DOCK11: variants seen among roughly 807,000 people sequenced by gnomAD.
The protein encoded by DOCK11 is dedicator of cytokinesis protein 11.
Under a neutral mutation model 169.1 loss-of-function variants are expected in DOCK11, and 70 were observed. That is an observed-to-expected ratio of 0.41 (90% CI 0.34 to 0.51). The LOEUF is 0.51. DOCK11 is among the 20% of genes least tolerant of loss of function. DOCK11 has a pLI of 0.10. For synonymous variants in DOCK11, 529 were observed against 541.3 expected, an observed-to-expected ratio of 0.98 and a Z score of 0.32; for missense variants, 1,166 against 1,538.8, an observed-to-expected ratio of 0.76 and a Z score of 4.05.
chrX:118,685,942 G>C lies in DOCK11; in HGVS notation c.*135G>C, dbSNP rs1370057185. ...ACCAAAATTTTCATGTGTTCCAACA[G>C]GGTGCTTACATATTTGTAAATAAGC... On this transcript the variant is annotated 3_prime_UTR_variant, in exon 53 of 53. Coordinates refer to ENST00000276202, the MANE Select transcript of DOCK11 (RefSeq NM_144658.4). 3.6e-5 allele frequency: 30 copies of C among 822,219 alleles called. No individual in the cohort carries two copies. The highest frequency in any genetic ancestry group is 5.0e-5 in the Non-Finnish European group (30 of 605,416). 67.8% of individuals were successfully genotyped at this position (822,219 alleles called of 1,213,427 possible).
rs1386740695 is a variant in DOCK11 at position 118,580,157 on chromosome X, A to G, written c.1573A>G (p.Met525Val). The change falls in exon 14 of 53, where the codon ATG becomes GTG. Residue 525 changes from methionine to valine, a missense_variant. Physicochemically the swap from Met to Val is conservative, Grantham distance 21 (BLOSUM62 1). Transcript: ENST00000276202. ...GTGTAGCCGCCTTGGACAATACAGA[A>G]TGCCCTTCGCTTGGGCTGCCAGGTT... ...QVCSRLGQYR[M>V]PFAWAARPIF... 8.3e-7 allele frequency: 1 copy of G among 1,206,578 alleles called. No individual in the cohort carries two copies. The highest frequency in any genetic ancestry group is 1.1e-6 in the Non-Finnish European group (1 of 893,896).
chrX:118,528,322 C>G (rs1438147090), intron 1 of DOCK11, among the ~76,000 whole-genome samples: 1 of 112,307 alleles, frequency 8.9e-6, no homozygotes, highest in Non-Finnish European at 1.9e-5. Context: ...CTTGGAGAAG[C>G]AGCAGAGAAA....
intron 6 of DOCK11, among the ~76,000 whole-genome samples, chrX:118,557,944 T>C (rs774459729): frequency 1.4e-4 from 15 of 106,952 alleles, no homozygotes; most frequent in African/African-American, 5.1e-4. Flanking sequence ...CTATTCTGAT[T>C]CCAGTTCTAT....
intron 45 of DOCK11, among the ~76,000 whole-genome samples, chrX:118,663,560 C>G (rs1432925248): frequency 9.1e-6 from 1 of 109,970 alleles, no homozygotes; most frequent in Non-Finnish European, 1.9e-5. Context: ...GGAAGTGGAT[C>G]CTTTTGGCTA....
intron 35 of DOCK11, among the ~76,000 whole-genome samples, chrX:118,634,501 C>T (rs2015333624): frequency 8.9e-6 from 1 of 112,236 alleles, no homozygotes; most frequent in South Asian, 3.6e-4. Flanking sequence ...CACCGTTGGA[C>T]GCAAAGTCCC....
At chrX:118,540,007 C>T (rs74671776) in intron 1 of DOCK11, among the ~76,000 whole-genome samples, 2 of 85,955 alleles carry the variant, frequency 2.3e-5, no homozygotes, top group South Asian at 6.0e-4. Context: ...GCTGAGATCA[C>T]GCCATTGCAC....
chrX:118,656,448 T>C lies in DOCK11; in HGVS notation c.4969+1487T>C, dbSNP rs368708212. Reference sequence around the variant, plus strand: ...TAGTTTTCTCCTTTTAGTATACATATGTGAGTTTTAAACAGAGAAGGAGAT... The same window carrying C: ...TAGTTTTCTCCTTTTAGTATACATACGTGAGTTTTAAACAGAGAAGGAGAT... On this transcript the variant is annotated intron_variant, in intron 44 of 52. Coordinates refer to ENST00000276202, the MANE Select transcript of DOCK11 (RefSeq NM_144658.4). Among the ~76,000 whole-genome samples, 20 of 111,361 alleles carry C rather than the reference T, an allele frequency of 1.8e-4. No homozygotes were observed. In the East Asian group the frequency reaches 3.4e-3, roughly 19 times the overall value.
At chrX:118,619,480 C>CAAAA (rs1162244580) in intron 31 of DOCK11, among the ~76,000 whole-genome samples, 25 of 51,431 alleles carry the variant, frequency 4.9e-4, no homozygotes, top group Non-Finnish European at 8.5e-4. Context: ...AACTCTGTCT[C>CAAAA]AAAAAAAAAA....
At chrX:118,669,500 T>A (rs1409802269) in intron 45 of DOCK11, among the ~76,000 whole-genome samples, 1 of 111,830 alleles carries the variant, frequency 8.9e-6, no homozygotes, top group Non-Finnish European at 1.9e-5. Flanking sequence ...AGATGGTATC[T>A]TCTCACTGTG....
At position 118,590,277 on chromosome X, in the gene DOCK11, A is replaced by C. The variant is rs951276998; in HGVS notation, c.2114A>C (p.Asn705Thr). The C allele has an allele frequency of 8.3e-7, 1 of 1,207,577 alleles. No homozygotes were observed. The highest frequency in any genetic ancestry group is 1.1e-6 in the Non-Finnish European group (1 of 892,952). The change falls in exon 19 of 53, where the codon AAC becomes ACC. Residue 705 changes from asparagine to threonine, a missense_variant. Coordinates refer to ENST00000276202, the MANE Select transcript of DOCK11 (RefSeq NM_144658.4). Reference sequence around the variant, plus strand: ...GCTTATGCTGTTGTCTCGCATCACAACCAAAATCCAGAGTTCTATGATGAG... The same window carrying C: ...GCTTATGCTGTTGTCTCGCATCACACCCAAAATCCAGAGTTCTATGATGAG... ...TNAYAVVSHH[N>T]QNPEFYDEIK...
chrX:118,661,282 AGTGTGGTTCCTACTTCTGT>A (rs375886258), intron 44 of DOCK11, among the ~76,000 whole-genome samples: 5 of 111,162 alleles, frequency 4.5e-5, no homozygotes, highest in African/African-American at 1.3e-4. Context: ...CTCTCAAAGA[AGTGTGGTTCCTACTTCTGT>A]GTGTGGTTCC....
At chrX:118,511,882 T>C (rs186697348) in intron 1 of DOCK11, among the ~76,000 whole-genome samples, 1 of 112,014 alleles carries the variant, frequency 8.9e-6, no homozygotes, top group Non-Finnish European at 1.9e-5. Context: ...GTTGCTTGAA[T>C]TGAAGAGAAG....
rs188763370 is a variant in DOCK11 at position 118,562,235 on chromosome X, C to T, written c.693+718C>T. ...CTTGATTGATGGCATCTCCGTCCTC[C>T]GAAACATCTACACTAGAAAGCTCAG... On this transcript the variant is annotated intron_variant, in intron 7 of 52. Transcript: ENST00000276202. Among the ~76,000 whole-genome samples the T allele has an allele frequency of 1.0e-4, 11 of 108,727 alleles. No individual in the cohort carries two copies. The East Asian group carries it at 1.7e-3, about 17-fold the overall frequency. 94.4% of individuals were successfully genotyped at this position (108,727 alleles called of 115,157 possible). A position where few individuals can be genotyped will look rare whatever the true frequency, so the allele number is the denominator to read the frequency against.
chrX:118,499,898 T>TGCTGTGAA (rs1218414519), intron 1 of DOCK11, among the ~76,000 whole-genome samples: 4 of 111,858 alleles, frequency 3.6e-5, no homozygotes, highest in Non-Finnish European at 7.5e-5. Context: ...CGGTGCAGGT[T>TGCTGTGAA]GCTGTGAAGC....
rs2016604747 is a variant in DOCK11, at chrX:118,676,163, G to A, written c.5313+114G>A. 3 of 474,231 alleles carry A rather than the reference G, an allele frequency of 6.3e-6. 1 individual carries two copies. Among genetic ancestry groups the A allele is most frequent in the Admixed American group, 4.7e-5 (1 of 21,428 alleles). 39.1% of individuals were successfully genotyped at this position (474,231 alleles called of 1,213,427 possible). ...ATAGAGTGCCTATTACAACAGCAGG[G>A]AGCCTCTTTTGTATGTATAAAGTTC... On this transcript the variant is annotated intron_variant, in intron 47 of 52. Transcript: ENST00000276202.
intron 24 of DOCK11, among the ~76,000 whole-genome samples, chrX:118,607,805 A>G (rs2014572938): frequency 8.9e-6 from 1 of 112,181 alleles, no homozygotes; most frequent in African/African-American, 3.2e-5. Context: ...ACACATACAG[A>G]GATTTAGAAA....
At chrX:118,516,912 GC>G (rs2057693807) in intron 1 of DOCK11, among the ~76,000 whole-genome samples, 5 of 111,134 alleles carry the variant, frequency 4.5e-5, no homozygotes, top group African/African-American at 1.6e-4. Context: ...GACCTCAGAG[GC>G]TTGTTGCAAG....
intron 20 of DOCK11, among the ~76,000 whole-genome samples, chrX:118,596,936 G>A (rs1457004433): frequency 9.0e-6 from 1 of 111,492 alleles, no homozygotes; most frequent in Admixed American, 9.5e-5. Flanking sequence ...ATTTTCCATA[G>A]TTCCTTACCC....
At chrX:118,638,199 G>T in intron 37 of DOCK11, 72 bp downstream of exon 37, 3 of 999,210 alleles carry the variant, frequency 3.0e-6, no homozygotes, top group Non-Finnish European at 4.2e-6. Context: ...GTCATGCCAT[G>T]TAAAACCTAG....
Sources: gnomAD v4.1 joint callset for allele counts (sites outside exome capture counted in the v4.1 genomes callset) on GRCh38, gnomAD v4.1.1 for gene constraint, MANE v1.5 for transcripts, NCBI Gene and HGNC (gene_info 2026-07-23, HGNC 2026-07-21) for gene names.